SERPINB10: variants seen among roughly 807,000 people sequenced by gnomAD.
The protein encoded by SERPINB10 is serpin family B member 10.
SERPINB10 carries 35 observed loss-of-function variants against 39.1 expected under a neutral mutation model. The ratio of observed to expected loss-of-function variants is 0.90; its 90% confidence interval spans 0.68 to 1.19. SERPINB10 has a LOEUF of 1.19. Among genes scored for constraint, SERPINB10 ranks in the 50% most tolerant of loss-of-function variants. SERPINB10 has a pLI of 0.00. For missense variants in SERPINB10, 546 were observed against 460.5 expected, an observed-to-expected ratio of 1.19 and a Z score of -1.70; for synonymous variants, 190 against 158.1, an observed-to-expected ratio of 1.20 and a Z score of -1.52.
Position 63,917,474 on chromosome 18 carries a change from G to T in SERPINB10, c.187G>T (p.Asp63Tyr). 1 of 1,579,398 alleles carries T rather than the reference G, an allele frequency of 6.3e-7. No homozygotes were observed. Among genetic ancestry groups the T allele is most frequent in the Non-Finnish European group, 8.6e-7 (1 of 1,161,872 alleles). ...ATTACAGGTGCTTCAATTTAACAGA[G>T]ACCAGGGAGTCAAATGTGACCCTGA... The part of the protein sequence containing the change: ...QMAQVLQFNR[D>Y]QGVKCDPESE... Residue 63 changes from aspartate to tyrosine, a missense_variant, in exon 3 of 8, where the codon GAC becomes TAC. Coordinates refer to ENST00000238508, the MANE Select transcript of SERPINB10 (RefSeq NM_005024.3).
chr18:63,918,375 G>C (rs1413156470), intron 4 of SERPINB10, among the ~76,000 whole-genome samples: 1 of 152,040 alleles, frequency 6.6e-6, no homozygotes, highest in African/African-American at 2.4e-5. Flanking sequence ...GACTTGGCTG[G>C]AGACTGTCTA....
At position 63,935,307 on chromosome 18, in the gene SERPINB10, A is replaced by G. The variant is rs573314029; in HGVS notation, c.*65A>G. The G allele has an allele frequency of 6.8e-7, 1 of 1,473,922 alleles. No individual in the cohort carries two copies. Among genetic ancestry groups the G allele is most frequent in the Admixed American group, 2.3e-5 (1 of 42,954 alleles). 91.3% of individuals were successfully genotyped at this position (1,473,922 alleles called of 1,614,324 possible). ...GTGAAAAATGTACCATGAGATGGAAAAGCACAATTTTCACAAAAATGAGTT... is the reference window on the plus strand; with the variant it reads ...GTGAAAAATGTACCATGAGATGGAAGAGCACAATTTTCACAAAAATGAGTT... On this transcript the variant is annotated 3_prime_UTR_variant, in exon 8 of 8. Transcript: ENST00000238508.
intron 1 of SERPINB10, among the ~76,000 whole-genome samples, chr18:63,913,720 T>C (rs1182206389): frequency 6.6e-6 from 1 of 152,094 alleles, no homozygotes; most frequent in Non-Finnish European, 1.5e-5. Context: ...ATATTCCGCG[T>C]GCAGATGAGA....
intron 1 of SERPINB10, among the ~76,000 whole-genome samples, chr18:63,909,818 C>T (rs2050050883): frequency 6.6e-6 from 1 of 151,942 alleles, no homozygotes; most frequent in Non-Finnish European, 1.5e-5. Flanking sequence ...TGAGTAAGAG[C>T]CTTAAAGGAA....
At chr18:63,910,979 T>C (rs1014889846) in intron 1 of SERPINB10, among the ~76,000 whole-genome samples, 1 of 152,006 alleles carries the variant, frequency 6.6e-6, no homozygotes, top group African/African-American at 2.4e-5. Context: ...TTCTTAATAA[T>C]AGCCATTCTG....
intron 5 of SERPINB10, among the ~76,000 whole-genome samples, chr18:63,926,279 T>A (rs185036402): frequency 7.9e-4 from 120 of 152,116 alleles, no homozygotes; most frequent in Middle Eastern, 3.4e-3. Context: ...TTGTTATCTG[T>A]ATCTCTCTTT....
At chr18:63,925,303 G>C (rs898562207) in intron 5 of SERPINB10, among the ~76,000 whole-genome samples, 26 of 151,922 alleles carry the variant, frequency 1.7e-4, no homozygotes, top group African/African-American at 6.0e-4. Flanking sequence ...TTTGCTGAGA[G>C]GATCTGGAAG....
chr18:63,910,648 C>T (rs2050057483), intron 1 of SERPINB10, among the ~76,000 whole-genome samples: 1 of 151,992 alleles, frequency 6.6e-6, no homozygotes, highest in South Asian at 2.1e-4. Flanking sequence ...CTTTCGGTTG[C>T]ATAGTATTCC....
intron 4 of SERPINB10, 131 bp downstream of exon 4, chr18:63,918,233 C>A: frequency 2.4e-6 from 2 of 844,210 alleles, no homozygotes; most frequent in Non-Finnish European, 3.7e-6. Flanking sequence ...TGCAAACAAT[C>A]AATTAGACCA....
At chr18:63,913,301 T>G (rs955019620) in intron 1 of SERPINB10, among the ~76,000 whole-genome samples, 1 of 152,032 alleles carries the variant, frequency 6.6e-6, no homozygotes, top group African/African-American at 2.4e-5. Context: ...TTACTTATGT[T>G]TTTTTCTTTT....
chr18:63,935,184 T>G lies in SERPINB10; in HGVS notation c.1136T>G (p.Phe379Cys). 3 of 1,611,928 alleles carry G rather than the reference T, an allele frequency of 1.9e-6. No homozygotes were observed. The South Asian group carries it at 3.3e-5, about 18-fold the overall frequency. ...EFNANHPFLFFIRHNKTNTIL... is the reference protein window; with the variant it reads ...EFNANHPFLFCIRHNKTNTIL... ...AATGCAAATCACCCATTCCTCTTCT[T>G]CATCAGGCACAATAAAACCAACACC... Residue 379 changes from phenylalanine to cysteine, a missense_variant, in exon 8 of 8, where the codon TTC becomes TGC. By Grantham distance (205) the Phe-to-Cys change is radical (BLOSUM62 -2). Transcript: ENST00000238508.
In SERPINB10 at chr18:63,917,527, T is replaced by C; in HGVS notation, c.234+6T>C. The stretch of plus-strand genomic sequence containing the variant: ...GTGAAAAAAAAAGGAAAATGGTATA[T>C]CTTATCCTTTAATATATATTTCATA... On this transcript the variant is annotated splice_donor_region_variant and intron_variant, in intron 3 of 7. Transcript: ENST00000238508. The C allele has an allele frequency of 6.7e-7, 1 of 1,482,084 alleles. No individual in the cohort carries two copies. Among genetic ancestry groups the C allele is most frequent in the Non-Finnish European group, 9.2e-7 (1 of 1,088,586 alleles). The allele number at this position is 1,482,084 out of a possible 1,614,324, so 91.8% of individuals were successfully genotyped here.
chr18:63,923,592 T>G lies in SERPINB10; in HGVS notation c.490+3687T>G, dbSNP rs546945443. The stretch of plus-strand genomic sequence containing the variant: ...TTGGTGTTCTGAGGTTTCAACATTA[T>G]GTTCTAGGCAGGGGTCTTTTTATTT... On this transcript the variant is annotated intron_variant, in intron 5 of 7. Transcript: ENST00000238508. Among the ~76,000 whole-genome samples, 6 of 152,102 alleles carry G rather than the reference T, an allele frequency of 3.9e-5. No homozygotes were observed. The South Asian group carries it at 1.2e-3, about 31-fold the overall frequency.
intron 6 of SERPINB10, among the ~76,000 whole-genome samples, chr18:63,931,529 T>C (rs8084306): frequency 0.11 from 17,361 of 152,140 alleles, 2,322 homozygotes; most frequent in African/African-American, 0.31. Context: ...AAGTAACATA[T>C]GTCTACAACA....
intron 5 of SERPINB10, among the ~76,000 whole-genome samples, chr18:63,929,036 T>C (rs1211976935): frequency 3.3e-5 from 5 of 152,312 alleles, no homozygotes; most frequent in Non-Finnish European, 1.5e-5. Flanking sequence ...TTGGCTCTTT[T>C]TAGTATGATT....
In SERPINB10 at chr18:63,935,343, AC is replaced by A; in HGVS notation, c.*103del. The A allele has an allele frequency of 8.5e-7, 1 of 1,181,694 alleles. No homozygotes were observed. Among genetic ancestry groups the A allele is most frequent in the African/African-American group, 1.5e-5 (1 of 65,072 alleles). The allele number at this position is 1,181,694 out of a possible 1,614,324, so 73.2% of individuals were successfully genotyped here. On this transcript the variant is annotated 3_prime_UTR_variant, in exon 8 of 8. Transcript: ENST00000238508. ...TCACAAAAATGAGTTTGTAGTCTAA[AC>A]CTTTTTCACATTTGAATATAAGTAA...
chr18:63,912,016 GTATTTTATTT>G lies in SERPINB10; in HGVS notation c.-9-3474_-9-3465del, dbSNP rs372295518. ...ATTTCTTCATCAGGTGTATTCCTGG[GTATTTTATTT>G]TATTTTATTTTTTGGCTATCATAAA... On this transcript the variant is annotated intron_variant, in intron 1 of 7. Transcript: ENST00000238508. Among the ~76,000 whole-genome samples the G allele has an allele frequency of 2.6e-5, 4 of 151,628 alleles. No individual in the cohort carries two copies. In the South Asian group the frequency reaches 8.3e-4, roughly 31 times the overall value.
Position 63,915,581 on chromosome 18 carries a change from A to C in SERPINB10, c.71A>C (p.Gln24Pro). 3 of 1,612,786 alleles carry C rather than the reference A, an allele frequency of 1.9e-6. No individual in the cohort carries two copies. The highest frequency in any genetic ancestry group is 8.5e-7 in the Non-Finnish European group (1 of 1,179,204). Residue 24 changes from glutamine (Q) to proline (P), a missense_variant, in exon 2 of 8, where the codon CAG (glutamine) becomes CCG (proline). Gln to Pro is a moderately conservative substitution (Grantham distance 76). Transcript: ENST00000238508. ...AGCAAAAAGCTAGCTGAATCTGCTC[A>C]GGGTAAAAATATCTTCTTTTCTTCC... ...ELSKKLAESA[Q>P]GKNIFFSSWS...
At chr18:63,918,179 T>C in intron 4 of SERPINB10, 77 bp downstream of exon 4, 1 of 1,471,682 alleles carries the variant, frequency 6.8e-7, no homozygotes, top group African/African-American at 1.4e-5. Flanking sequence ...TCTGTATATT[T>C]CTTTAGGGAT....
Sources: allele counts gnomAD v4.1 joint callset (sites outside exome capture counted in the v4.1 genomes callset), GRCh38; gene constraint gnomAD v4.1.1; transcripts MANE v1.5; gene names NCBI Gene and HGNC (gene_info 2026-07-23, HGNC 2026-07-21).